ACMSD: variants seen among roughly 807,000 people sequenced by gnomAD.
ACMSD encodes aminocarboxymuconate semialdehyde decarboxylase, also known as 2-amino-3-carboxymuconate-6-semialdehyde decarboxylase.
A neutral mutation model predicts 45.9 loss-of-function variants in ACMSD; 37 were observed. The observed-to-expected ratio is 0.81, with a 90% CI of 0.62 to 1.06. The LOEUF is 1.06. Among genes scored for constraint, ACMSD ranks in the 50% least tolerant of loss-of-function variants. The pLI is 0.00. For missense variants in ACMSD, 434 were observed against 420.9 expected, an observed-to-expected ratio of 1.03 and a Z score of -0.27; for synonymous variants, 138 against 148.8, an observed-to-expected ratio of 0.93 and a Z score of 0.53.
chr2:134,886,981 A>G (rs1421108214), intron 8 of ACMSD, among the ~76,000 whole-genome samples: 1 of 152,228 alleles, frequency 6.6e-6, no homozygotes. Context: ...CTTTTAAACA[A>G]TTCAATTTAT....
chr2:134,839,894 T>C (rs1686704380), intron 1 of ACMSD, among the ~76,000 whole-genome samples: 1 of 152,090 alleles, frequency 6.6e-6, no homozygotes. Flanking sequence ...CACTTCACAA[T>C]GTTAATGATT....
rs1690200494 is a variant in ACMSD at position 134,897,136 on chromosome 2, T to C, written c.850-1205T>C. 2.0e-5 allele frequency among the ~76,000 whole-genome samples: 3 copies of C among 152,144 alleles called. 1 individual carries two copies. The South Asian group carries it at 6.2e-4, about 32-fold the overall frequency. On this transcript the variant is annotated intron_variant, in intron 8 of 9. Transcript: ENST00000356140. ...TTTAAAGGGGGTGAATTTTATGGTA[T>C]GTGAATTATATCTCAAAAAAAAAAG...
chr2:134,888,863 A>G (rs1038272365), intron 8 of ACMSD, among the ~76,000 whole-genome samples: 1 of 152,162 alleles, frequency 6.6e-6, no homozygotes, highest in African/African-American at 2.4e-5. Flanking sequence ...AGAATGACCA[A>G]GAAGGAGCAT....
At chr2:134,868,059 G>A (rs1688200975) in intron 6 of ACMSD, among the ~76,000 whole-genome samples, 1 of 152,146 alleles carries the variant, frequency 6.6e-6, no homozygotes, top group South Asian at 2.1e-4. Flanking sequence ...GACTCCCAAA[G>A]AGGCTTCAAA....
intron 8 of ACMSD, among the ~76,000 whole-genome samples, chr2:134,889,684 C>G (rs1573715954): frequency 6.6e-6 from 1 of 152,032 alleles, no homozygotes; most frequent in African/African-American, 2.4e-5. Flanking sequence ...TATGCAAATA[C>G]TACATCATTT....
chr2:134,851,886 A>G (rs1052309489), intron 2 of ACMSD, among the ~76,000 whole-genome samples: 4 of 152,064 alleles, frequency 2.6e-5, no homozygotes, highest in Non-Finnish European at 4.4e-5. Flanking sequence ...GCATTTTTTC[A>G]TGTCTGTTGG....
chr2:134,877,995 C>A (rs1206057399), intron 8 of ACMSD, among the ~76,000 whole-genome samples: 1 of 152,170 alleles, frequency 6.6e-6, no homozygotes, highest in East Asian at 1.9e-4. Context: ...CCTACCAAGA[C>A]TGCCCCAAAA....
intron 2 of ACMSD, among the ~76,000 whole-genome samples, chr2:134,848,062 G>T (rs2104821936): frequency 6.6e-6 from 1 of 152,236 alleles, no homozygotes; most frequent in South Asian, 2.1e-4. Flanking sequence ...TGTTGGTCAG[G>T]CAGGTCTTGA....
intron 4 of ACMSD, among the ~76,000 whole-genome samples, chr2:134,862,565 C>T (rs1170471517): frequency 1.3e-5 from 2 of 152,120 alleles, no homozygotes; most frequent in Non-Finnish European, 2.9e-5. Flanking sequence ...CCCTGCTCAT[C>T]CAAGCAGATA....
rs748480525 is a variant in ACMSD at position 134,872,469 on chromosome 2, G to A, written c.677G>A (p.Gly226Asp). The A allele has an allele frequency of 4.3e-6, 7 of 1,614,114 alleles. No homozygotes were observed. Among genetic ancestry groups the A allele is most frequent in the African/African-American group, 1.3e-5 (1 of 75,040 alleles). The change falls in exon 8 of 10, where the codon GGT becomes GAT. Residue 226 changes from glycine (G) to aspartate (D), a missense_variant and splice_region_variant. By Grantham distance (94) the Gly-to-Asp change is moderately conservative. Coordinates refer to ENST00000356140, the MANE Select transcript of ACMSD (RefSeq NM_138326.3). ...CCTCAGTAATGGGTTTTACTTGCAG[G>A]TGGTGCCTTCCCCTTCACAGTGGGA... ...PKLKVCFAHGGGAFPFTVGRI... is the reference protein window; with the variant it reads ...PKLKVCFAHGDGAFPFTVGRI...
chr2:134,851,334 G>A (rs1687334869), intron 2 of ACMSD, among the ~76,000 whole-genome samples: 1 of 152,164 alleles, frequency 6.6e-6, no homozygotes, highest in Non-Finnish European at 1.5e-5. Context: ...CCAGTAATAG[G>A]ATCACTAGGT....
Position 134,863,585 on chromosome 2 carries a change from TCAA to T in ACMSD, c.442_444del (p.Asn148del). 1.9e-6 allele frequency: 3 copies of T among 1,614,178 alleles called. No homozygotes were observed. The highest frequency in any genetic ancestry group is 2.2e-5 in the South Asian group (2 of 91,084). On this transcript the variant is annotated inframe_deletion, in exon 5 of 10. Coordinates refer to ENST00000356140, the MANE Select transcript of ACMSD (RefSeq NM_138326.3). ...CCCGGGGTCCAAATTGGCACCCACGTCAACGAGTGGGACCTGAACGCGCAGGAG... is the reference window on the plus strand; with the variant it reads ...CCCGGGGTCCAAATTGGCACCCACGTCGAGTGGGACCTGAACGCGCAGGAG...
intron 5 of ACMSD, among the ~76,000 whole-genome samples, chr2:134,864,371 T>C (rs924386974): frequency 2.6e-5 from 4 of 152,132 alleles, no homozygotes; most frequent in African/African-American, 4.8e-5. Flanking sequence ...AGTATAAAGA[T>C]GATAACAAAC....
chr2:134,859,159 C>A (rs1286404882), intron 2 of ACMSD, 102 bp from the exon 3 acceptor site: 2 of 950,266 alleles, frequency 2.1e-6, no homozygotes, highest in East Asian at 2.5e-5. Context: ...AAGTAAAAAT[C>A]TTTTCAAATA....
At chr2:134,863,794 A>G (rs1355661366) in intron 5 of ACMSD, among the ~76,000 whole-genome samples, 163 bp downstream of exon 5, 1 of 152,032 alleles carries the variant, frequency 6.6e-6, no homozygotes, top group African/African-American at 2.4e-5. Flanking sequence ...TAGCCCCCGC[A>G]AAGGAGTGGG....
intron 8 of ACMSD, among the ~76,000 whole-genome samples, chr2:134,874,342 G>T (rs1369515993): frequency 6.6e-6 from 1 of 152,116 alleles, no homozygotes; most frequent in South Asian, 2.1e-4. Context: ...GGTGAATCCA[G>T]GACATAGAAG....
chr2:134,859,770 T>C (rs1687760490), intron 3 of ACMSD: 1 of 155,134 alleles, frequency 6.4e-6, no homozygotes, highest in Admixed American at 6.4e-5. Flanking sequence ...CGGTGCATCA[T>C]ACACAGAACA....
rs1370020180 is a variant in ACMSD, at chr2:134,872,640, A to T, written c.848A>T (p.Lys283Met). The change falls in exon 8 of 10, where the codon AAG (lysine) becomes ATG (methionine). Residue 283 changes from lysine to methionine, a missense_variant and splice_region_variant. Lys to Met is a moderately conservative substitution (Grantham distance 95). Coordinates refer to ENST00000356140, the MANE Select transcript of ACMSD (RefSeq NM_138326.3). ...SLKLLTDVIG[K>M]DKVILGTDYP... ...AAGCTGTTAACAGATGTCATAGGAA[A>T]GGTAAGCCCAGTCTGCCACTTGGAT... is the stretch of plus-strand genomic sequence containing the variant. The T allele has an allele frequency of 3.7e-6, 6 of 1,614,050 alleles. No individual in the cohort carries two copies. The Admixed American group carries it at 1.0e-4, about 27-fold the overall frequency.
chr2:134,847,636 T>G (rs2104820615), intron 2 of ACMSD, among the ~76,000 whole-genome samples: 1 of 152,082 alleles, frequency 6.6e-6, no homozygotes, highest in Middle Eastern at 3.4e-3. Flanking sequence ...CAGGCCATGG[T>G]GTGTGATGTT....
Sources: allele counts gnomAD v4.1 joint callset (sites outside exome capture counted in the v4.1 genomes callset), GRCh38; gene constraint gnomAD v4.1.1; transcripts MANE v1.5; gene names NCBI Gene and HGNC (gene_info 2026-07-23, HGNC 2026-07-21).